The following PKIB variants were observed in gnomAD, a reference collection of about 807,000 sequenced individuals.
PKIB encodes the protein PKI-beta.
Under a neutral mutation model 4.5 loss-of-function variants are expected in PKIB, and 2 were observed. The ratio of observed to expected loss-of-function variants is 0.44; its 90% CI spans 0.18 to 1.39. The LOEUF (loss-of-function observed/expected upper bound fraction) is 1.39, where lower values mean the gene tolerates loss of function less well. Among genes scored for constraint, PKIB ranks in the 40% most tolerant of loss-of-function variants. The pLI is 0.27. For missense variants in PKIB, 94 were observed against 92.6 expected, an observed-to-expected ratio of 1.02 and a Z score of -0.06; for synonymous variants, 38 against 36.0, an observed-to-expected ratio of 1.06 and a Z score of -0.20.
intron 3 of PKIB, among the ~76,000 whole-genome samples, chr6:122,682,972 A>G (rs2114978413): frequency 6.6e-6 from 1 of 152,268 alleles, no homozygotes; most frequent in East Asian, 1.9e-4. Context: ...GCCCATTCAC[A>G]AGGGTCCCCG....
intron 2 of PKIB, among the ~76,000 whole-genome samples, chr6:122,514,235 C>G (rs1452634815): frequency 6.6e-6 from 1 of 152,146 alleles, no homozygotes; most frequent in Non-Finnish European, 1.5e-5. Flanking sequence ...AAAATTCTTT[C>G]TTTGAGAATT....
At chr6:122,710,006 G>A (rs1779208392) in intron 3 of PKIB, among the ~76,000 whole-genome samples, 1 of 152,044 alleles carries the variant, frequency 6.6e-6, no homozygotes, top group Admixed American at 6.6e-5. Context: ...TGAACTTTCA[G>A]TCTTATTATT....
At chr6:122,512,783 G>A (rs1776626846) in intron 2 of PKIB, among the ~76,000 whole-genome samples, 1 of 152,206 alleles carries the variant, frequency 6.6e-6, no homozygotes, top group Non-Finnish European at 1.5e-5. Context: ...ACAGCTATGT[G>A]TTTAAAGGAA....
chr6:122,685,016 C>T (rs1778042717), intron 3 of PKIB, among the ~76,000 whole-genome samples: 1 of 152,058 alleles, frequency 6.6e-6, no homozygotes, highest in African/African-American at 2.4e-5. Context: ...TGAGAAAACA[C>T]ATTTATTAAT....
At chr6:122,520,878 C>A (rs1266890316) in intron 2 of PKIB, among the ~76,000 whole-genome samples, 1 of 152,140 alleles carries the variant, frequency 6.6e-6, no homozygotes, top group Non-Finnish European at 1.5e-5. Context: ...TCTTGGAGAG[C>A]ATTTTCTGCA....
At chr6:122,574,425 A>G (rs1773468723) in intron 2 of PKIB, among the ~76,000 whole-genome samples, 2 of 152,164 alleles carry the variant, frequency 1.3e-5, no homozygotes, top group African/African-American at 2.4e-5. Context: ...TAGAATTAAT[A>G]TGGAATCACA....
At chr6:122,528,879 AAAAAGAG>A (rs1401316242) in intron 2 of PKIB, among the ~76,000 whole-genome samples, 1 of 152,240 alleles carries the variant, frequency 6.6e-6, no homozygotes, top group Non-Finnish European at 1.5e-5. Flanking sequence ...TATTTCTTTA[AAAAAGAG>A]AAAAGAGAAA....
intron 2 of PKIB, among the ~76,000 whole-genome samples, chr6:122,574,223 T>A (rs1228439804): frequency 6.6e-6 from 1 of 152,038 alleles, no homozygotes; most frequent in Non-Finnish European, 1.5e-5. Context: ...CTTAACCAAG[T>A]AGGTGAAAGA....
At chr6:122,589,918 C>T (rs949676809) in intron 3 of PKIB, among the ~76,000 whole-genome samples, 1 of 152,108 alleles carries the variant, frequency 6.6e-6, no homozygotes, top group Non-Finnish European at 1.5e-5. Context: ...AATGCATAGT[C>T]TCTGTTAAAG....
chr6:122,485,187 GT>G (rs1165262438), intron 2 of PKIB, among the ~76,000 whole-genome samples: 1 of 151,272 alleles, frequency 6.6e-6, no homozygotes, highest in Non-Finnish European at 1.5e-5. Context: ...TTCAGCTGAA[GT>G]TTTTCTTTCA....
exon 1 of PKIB, chr6:122,471,952 C>G: frequency 8.9e-7 from 1 of 1,128,340 alleles, no homozygotes; most frequent in East Asian, 2.8e-5. Context: ...ACACGGCTGT[C>G]TTCTTTCCTG....
intron 3 of PKIB, among the ~76,000 whole-genome samples, chr6:122,697,839 G>A (rs1009496413): frequency 6.6e-6 from 1 of 152,098 alleles, no homozygotes; most frequent in Non-Finnish European, 1.5e-5. Context: ...GTCTAAAACT[G>A]CAAATGAGAT....
chr6:122,614,962 C>A (rs1774924512), intron 1 of PKIB, among the ~76,000 whole-genome samples: 1 of 152,094 alleles, frequency 6.6e-6, no homozygotes, highest in Non-Finnish European at 1.5e-5. Flanking sequence ...ATAAGCCCTA[C>A]TTTTCTCACT....
At chr6:122,551,939 C>T (rs970986915) in intron 2 of PKIB, among the ~76,000 whole-genome samples, 65 of 143,276 alleles carry the variant, frequency 4.5e-4, no homozygotes, top group Non-Finnish European at 8.5e-4. Context: ...CAACTTCCTC[C>T]AGTCCTCCGT....
chr6:122,516,101 T>C (rs1776743460), intron 2 of PKIB, among the ~76,000 whole-genome samples: 1 of 152,204 alleles, frequency 6.6e-6, no homozygotes, highest in African/African-American at 2.4e-5. Flanking sequence ...TCTCACAGAA[T>C]CTACTATCAT....
At chr6:122,538,206 G>A (rs565081526) in intron 2 of PKIB, among the ~76,000 whole-genome samples, 1 of 151,954 alleles carries the variant, frequency 6.6e-6, no homozygotes, top group South Asian at 2.1e-4. Flanking sequence ...GTCAATTTTG[G>A]CTTTTGTTGC....
At chr6:122,692,755 G>T (rs1195355773) in intron 3 of PKIB, among the ~76,000 whole-genome samples, 1 of 152,092 alleles carries the variant, frequency 6.6e-6, no homozygotes, top group African/African-American at 2.4e-5. Context: ...TGTTGTTTCT[G>T]TCAGGGGGAC....
intron 3 of PKIB, among the ~76,000 whole-genome samples, chr6:122,685,268 T>C (rs1778051788): frequency 6.6e-6 from 1 of 152,148 alleles, no homozygotes; most frequent in Non-Finnish European, 1.5e-5. Flanking sequence ...ACAGTGTATA[T>C]AAGCAATAGA....
intron 2 of PKIB, among the ~76,000 whole-genome samples, chr6:122,545,977 A>G (rs1000000071): frequency 4.0e-5 from 6 of 151,760 alleles, no homozygotes; most frequent in African/African-American, 4.9e-5. Flanking sequence ...GTGCCCAGGT[A>G]TAGCGTTAAG....
Sources: gnomAD v4.1 joint callset for allele counts (sites outside exome capture counted in the v4.1 genomes callset) on GRCh38, gnomAD v4.1.1 for gene constraint, MANE v1.5 for transcripts, NCBI Gene and HGNC (gene_info 2026-07-23, HGNC 2026-07-21) for gene names.